Variants in NUP35 observed in about 807,000 individuals in gnomAD.
NUP35 encodes the protein nucleoporin 35.
NUP35 carries 25 observed loss-of-function variants against 41.5 expected under a neutral mutation model. The ratio of observed to expected loss-of-function variants is 0.60; its 90% CI spans 0.44 to 0.84. The LOEUF is 0.84. Among genes scored for constraint, NUP35 ranks in the 40% least tolerant of loss-of-function variants. The probability of loss-of-function intolerance (pLI) is 0.00; values close to 1 mark genes in which losing one functional copy is unlikely to be tolerated. For missense variants in NUP35, 396 were observed against 396.6 expected, an observed-to-expected ratio of 1.00 and a Z score of 0.01; for synonymous variants, 149 against 130.7, an observed-to-expected ratio of 1.14 and a Z score of -0.96.
Position 183,130,631 on chromosome 2 carries a change from T to C in NUP35, c.339+86T>C, listed in dbSNP as rs1406590157. ...GTGAGAGTCAATACTTTGAAATGTTTCCCTGAAGTCTGTTTTAATGTAACT... is the reference window on the plus strand; with the variant it reads ...GTGAGAGTCAATACTTTGAAATGTTCCCCTGAAGTCTGTTTTAATGTAACT... On this transcript the variant is annotated intron_variant, in intron 3 of 8. Transcript: ENST00000295119. 3 of 1,366,140 alleles carry C rather than the reference T, an allele frequency of 2.2e-6. No individual in the cohort carries two copies. The African/African-American group carries it at 4.4e-5, about 20-fold the overall frequency. The allele number at this position is 1,366,140 out of a possible 1,614,324, so 84.6% of individuals were successfully genotyped here.
intron 4 of NUP35, among the ~76,000 whole-genome samples, chr2:183,142,904 C>T (rs1240301942): frequency 1.3e-5 from 2 of 152,032 alleles, no homozygotes; most frequent in African/African-American, 4.8e-5. Flanking sequence ...CGCCTGTAAT[C>T]CCAGCACTTT....
At chr2:183,155,043 G>T (rs192170650) in intron 5 of NUP35, among the ~76,000 whole-genome samples, 1 of 152,246 alleles carries the variant, frequency 6.6e-6, no homozygotes, top group African/African-American at 2.4e-5. Context: ...GCATAGGAAA[G>T]ACCAGCCACC....
intron 4 of NUP35, among the ~76,000 whole-genome samples, chr2:183,146,070 T>C (rs1685266411): frequency 1.3e-5 from 2 of 152,168 alleles, no homozygotes; most frequent in African/African-American, 4.8e-5. Context: ...ACCTCGTCTC[T>C]ATTAAAAATA....
intron 4 of NUP35, among the ~76,000 whole-genome samples, chr2:183,148,859 C>T (rs538314270): frequency 6.6e-6 from 1 of 152,244 alleles, no homozygotes; most frequent in African/African-American, 2.4e-5. Context: ...AAGGTTTTGC[C>T]ATGTTGCCCA....
At chr2:183,132,513 G>A (rs557211455) in intron 3 of NUP35, among the ~76,000 whole-genome samples, 346 of 152,160 alleles carry the variant, frequency 2.3e-3, no homozygotes, top group African/African-American at 6.0e-3. Context: ...GGCTGTGATC[G>A]TGTTACTGCA....
intron 5 of NUP35, among the ~76,000 whole-genome samples, chr2:183,154,114 C>T (rs1337489437): frequency 6.6e-6 from 1 of 152,160 alleles, no homozygotes; most frequent in Non-Finnish European, 1.5e-5. Flanking sequence ...GGCACCAAGT[C>T]CCTAGGCTGC....
At chr2:183,160,339 A>G (rs1350486609) in intron 8 of NUP35, 1 of 152,088 alleles carries the variant, frequency 6.6e-6, no homozygotes, top group African/African-American at 2.4e-5. Context: ...TTTAGGTTCT[A>G]TTACTGTTAT....
chr2:183,146,139 G>C (rs1685268301), intron 4 of NUP35, among the ~76,000 whole-genome samples: 1 of 152,168 alleles, frequency 6.6e-6, no homozygotes, highest in Admixed American at 6.5e-5. Flanking sequence ...CAGAAGCTGA[G>C]ACAGGAGAAA....
chr2:183,142,838 T>C (rs566976507), intron 4 of NUP35, among the ~76,000 whole-genome samples: 1 of 151,890 alleles, frequency 6.6e-6, no homozygotes, highest in African/African-American at 2.4e-5. Flanking sequence ...GTTGTTGTCC[T>C]TTGAATGTAC....
At chr2:183,153,426 A>G (rs886451416) in intron 5 of NUP35, among the ~76,000 whole-genome samples, 2 of 152,122 alleles carry the variant, frequency 1.3e-5, no homozygotes, top group Admixed American at 6.5e-5. Context: ...CAAGATAGTT[A>G]TTTCCTGGAT....
rs577143588 is a variant in NUP35 at position 183,133,284 on chromosome 2, A to C, written c.340-282A>C. ...TCAAATATTGTACATTAGAAACTAA[A>C]AACAAATAGTTAACATGTCACCTTT... On this transcript the variant is annotated intron_variant, in intron 3 of 8. Transcript: ENST00000295119. Among the ~76,000 whole-genome samples the C allele has an allele frequency of 3.9e-5, 6 of 152,014 alleles. No individual in the cohort carries two copies. The South Asian group carries it at 1.0e-3, about 26-fold the overall frequency.
intron 4 of NUP35, among the ~76,000 whole-genome samples, chr2:183,142,189 G>T (rs1054689831): frequency 3.9e-5 from 6 of 152,050 alleles, no homozygotes; most frequent in African/African-American, 1.2e-4. Context: ...ATGTGTCTTG[G>T]TGTGGAACTT....
chr2:183,152,156 A>ACACAG (rs56941373), intron 5 of NUP35, among the ~76,000 whole-genome samples: 9,594 of 139,592 alleles, frequency 0.069, 512 homozygotes, highest in Non-Finnish European at 0.084. Context: ...CACACACACA[A>ACACAG]TGTCACAGGG....
intron 5 of NUP35, among the ~76,000 whole-genome samples, chr2:183,156,406 C>A (rs139546960): frequency 6.6e-6 from 1 of 152,330 alleles, no homozygotes; most frequent in East Asian, 1.9e-4. Context: ...GTGGCACGAT[C>A]TTGGCGCATT....
chr2:183,136,687 A>G (rs1228770113), intron 4 of NUP35, among the ~76,000 whole-genome samples: 3 of 152,216 alleles, frequency 2.0e-5, no homozygotes, highest in Non-Finnish European at 4.4e-5. Flanking sequence ...TCCTTATTCT[A>G]AAGTCAGCTG....
At chr2:183,122,283 G>A (rs1700079808), upstream of NUP35, among the ~76,000 whole-genome samples, 1 of 151,684 alleles carries the variant, frequency 6.6e-6, no homozygotes, top group Non-Finnish European at 1.5e-5. Flanking sequence ...TCACCATGTT[G>A]GCCAGGCTGG....
intron 4 of NUP35, among the ~76,000 whole-genome samples, chr2:183,145,931 A>G (rs545680147): frequency 1.3e-5 from 2 of 152,316 alleles, no homozygotes; most frequent in East Asian, 3.9e-4. Flanking sequence ...AAAAAATATA[A>G]TCACTTAAGA....
At chr2:183,130,964 T>C (rs1684677682) in intron 3 of NUP35, 1 of 1,217,060 alleles carries the variant, frequency 8.2e-7, no homozygotes, top group South Asian at 1.4e-5. Context: ...AGAAGTAGTA[T>C]GGACTTGTCT....
At chr2:183,141,637 ATAAT>A (rs1009344990) in intron 4 of NUP35, among the ~76,000 whole-genome samples, 1 of 152,214 alleles carries the variant, frequency 6.6e-6, no homozygotes, top group Middle Eastern at 3.2e-3. Flanking sequence ...CCAATAGTTA[ATAAT>A]TGTTTTTTTT....
Sources: allele counts gnomAD v4.1 joint callset (sites outside exome capture counted in the v4.1 genomes callset), GRCh38; gene constraint gnomAD v4.1.1; transcripts MANE v1.5; gene names NCBI Gene and HGNC (gene_info 2026-07-23, HGNC 2026-07-21).